RAPGEF4: variants seen among roughly 807,000 people sequenced by gnomAD.
RAPGEF4 encodes the protein Rap guanine nucleotide exchange factor 4, also known as RAP guanine-nucleotide-exchange factor (GEF) 4.
In RAPGEF4, 66 loss-of-function variants were observed where a neutral mutation model predicts 147.9. The ratio of observed to expected loss-of-function variants is 0.45; its 90% CI spans 0.37 to 0.55. RAPGEF4 has a LOEUF of 0.55. Ranked by LOEUF, RAPGEF4 falls within the 20% of genes least tolerant of loss-of-function variation. The pLI is 0.00. For missense variants in RAPGEF4, 1,071 were observed against 1,257.3 expected (o/e 0.85, Z 2.24); for synonymous variants, 419 against 442.7 (o/e 0.95, Z 0.67).
At chr2:172,961,879 A>G (rs981225596) in intron 8 of RAPGEF4, among the ~76,000 whole-genome samples, 1 of 152,254 alleles carries the variant, frequency 6.6e-6, no homozygotes, top group Non-Finnish European at 1.5e-5. Context: ...AGTCCTTTAC[A>G]GAGCTTGTTT....
At chr2:172,758,246 G>A (rs1406469080) in intron 1 of RAPGEF4, among the ~76,000 whole-genome samples, 1 of 152,152 alleles carries the variant, frequency 6.6e-6, no homozygotes, top group Admixed American at 6.5e-5. Context: ...TTGAGGGATG[G>A]TAAGGATGTT....
rs778108890 is a variant in RAPGEF4 at position 173,030,281 on chromosome 2, G to A, written c.2649+27G>A. 4.5e-6 allele frequency: 7 copies of A among 1,558,042 alleles called. No homozygotes were observed. In the Admixed American group the frequency reaches 1.2e-4, roughly 26 times the overall value. On this transcript the variant is annotated intron_variant, in intron 26 of 30. Coordinates refer to ENST00000397081, the MANE Select transcript of RAPGEF4 (RefSeq NM_007023.4). ...TAAGCTTCAGCTAGGATCCAGCTGT[G>A]ACTTTTGCCTTAGGAATAAAAACAC...
At chr2:172,841,147 G>A (rs140179881) in intron 4 of RAPGEF4, among the ~76,000 whole-genome samples, 1 of 152,280 alleles carries the variant, frequency 6.6e-6, no homozygotes, top group African/African-American at 2.4e-5. Flanking sequence ...TTGGAGGTGG[G>A]GCCTGTGGAA....
At chr2:172,898,982 T>C (rs1273581552) in intron 4 of RAPGEF4, among the ~76,000 whole-genome samples, 3 of 152,212 alleles carry the variant, frequency 2.0e-5, no homozygotes, top group Non-Finnish European at 4.4e-5. Flanking sequence ...TATACCTCAC[T>C]GTATTCAATT....
At chr2:172,955,217 C>T (rs1688605054) in intron 6 of RAPGEF4, among the ~76,000 whole-genome samples, 1 of 152,192 alleles carries the variant, frequency 6.6e-6, no homozygotes, top group Admixed American at 6.5e-5. Context: ...CCTTATACCT[C>T]ATTATAATCT....
rs1444189126 is a variant in RAPGEF4 at position 173,046,386 on chromosome 2, TAAA to T, written c.2854-2211_2854-2209del. Among the ~76,000 whole-genome samples, 383 of 152,248 alleles carry T rather than the reference TAAA, an allele frequency of 2.5e-3. 1 individual carries two copies. Among genetic ancestry groups the T allele is most frequent in the African/African-American group, 8.2e-3 (342 of 41,550 alleles). On this transcript the variant is annotated intron_variant, in intron 29 of 30. Transcript: ENST00000397081. ...AATGAAATGTTTTAGCTTTCAAAAC[TAAA>T]AAGCAGAACAATTACTCCCTACAAA...
chr2:172,909,468 T>C (rs1211259526), intron 4 of RAPGEF4, among the ~76,000 whole-genome samples: 3 of 152,180 alleles, frequency 2.0e-5, no homozygotes, highest in Non-Finnish European at 2.9e-5. Flanking sequence ...AGTGAGGTCA[T>C]TGATGTTGTT....
At chr2:173,036,842 T>C in intron 29 of RAPGEF4, 150 bp downstream of exon 29, 1 of 543,886 alleles carries the variant, frequency 1.8e-6, no homozygotes, top group Non-Finnish European at 3.2e-6. Flanking sequence ...TCAAATTGGC[T>C]ACCTATTCTA....
At chr2:172,930,498 C>A (rs550242413) in intron 6 of RAPGEF4, among the ~76,000 whole-genome samples, 1 of 152,210 alleles carries the variant, frequency 6.6e-6, no homozygotes, top group South Asian at 2.1e-4. Flanking sequence ...ATCAATACTC[C>A]CTCATTTCTG....
chr2:172,802,427 A>G (rs1218313848), intron 3 of RAPGEF4, among the ~76,000 whole-genome samples: 1 of 152,186 alleles, frequency 6.6e-6, no homozygotes, highest in Admixed American at 6.5e-5. Flanking sequence ...GGAAAATCCC[A>G]TCTTTAAAAC....
intron 4 of RAPGEF4, among the ~76,000 whole-genome samples, chr2:172,847,224 G>C (rs549384741): frequency 6.6e-5 from 10 of 152,316 alleles, no homozygotes; most frequent in Admixed American, 4.6e-4. Context: ...ACAGCAATCT[G>C]AAGTTGTCAC....
chr2:172,849,307 A>T (rs534891956), intron 4 of RAPGEF4, among the ~76,000 whole-genome samples: 1 of 152,318 alleles, frequency 6.6e-6, no homozygotes, highest in Non-Finnish European at 1.5e-5. Flanking sequence ...CAGCTTTCCT[A>T]TTTCCTATAA....
intron 6 of RAPGEF4, among the ~76,000 whole-genome samples, chr2:172,939,070 G>C (rs1277471326): frequency 1.3e-5 from 2 of 152,142 alleles, no homozygotes; most frequent in Non-Finnish European, 2.9e-5. Context: ...TTCTCTTGAA[G>C]GACATCTTGG....
At chr2:172,927,083 A>G (rs1374270394) in intron 6 of RAPGEF4, among the ~76,000 whole-genome samples, 3 of 152,212 alleles carry the variant, frequency 2.0e-5, no homozygotes, top group Admixed American at 2.0e-4. Context: ...TAAGGAGATT[A>G]CTTAAAGCAG....
intron 15 of RAPGEF4, among the ~76,000 whole-genome samples, chr2:172,994,785 A>G (rs1693162009): frequency 1.3e-5 from 2 of 152,242 alleles, no homozygotes; most frequent in Non-Finnish European, 2.9e-5. Flanking sequence ...CATTGCCCAC[A>G]AGAGGAAAAA....
chr2:172,900,034 G>A (rs1698905324), intron 4 of RAPGEF4, among the ~76,000 whole-genome samples: 1 of 152,158 alleles, frequency 6.6e-6, no homozygotes, highest in African/African-American at 2.4e-5. Flanking sequence ...GGGCACCCAG[G>A]GATAGCTCTA....
chr2:173,043,165 G>A (rs1248602790), intron 29 of RAPGEF4, among the ~76,000 whole-genome samples: 3 of 152,190 alleles, frequency 2.0e-5, no homozygotes, highest in Non-Finnish European at 2.9e-5. Flanking sequence ...ATCAAATGGT[G>A]TAAATGTGGT....
At chr2:172,844,353 A>G (rs1310460914) in intron 4 of RAPGEF4, among the ~76,000 whole-genome samples, 3 of 152,202 alleles carry the variant, frequency 2.0e-5, no homozygotes, top group Non-Finnish European at 4.4e-5. Context: ...TTCAGGTGCC[A>G]CTTGGGAGAA....
intron 22 of RAPGEF4, among the ~76,000 whole-genome samples, 153 bp downstream of exon 22, chr2:173,018,955 T>TAG (rs1695768770): frequency 6.6e-6 from 1 of 152,208 alleles, no homozygotes; most frequent in African/African-American, 2.4e-5. Flanking sequence ...ACAGTATGGG[T>TAG]AGAGGTGGGT....
Sources: gnomAD v4.1 joint callset for allele counts (sites outside exome capture counted in the v4.1 genomes callset) on GRCh38, gnomAD v4.1.1 for gene constraint, MANE v1.5 for transcripts, NCBI Gene and HGNC (gene_info 2026-07-23, HGNC 2026-07-21) for gene names.